The following REV1 variants were observed in gnomAD, a reference collection of about 807,000 sequenced individuals.
The protein encoded by REV1 is REV1 DNA directed polymerase.
In REV1, 42 loss-of-function variants were observed where a neutral mutation model predicts 137.4. The ratio of observed to expected loss-of-function variants is 0.31; its 90% CI spans 0.24 to 0.40. REV1 has a LOEUF of 0.40. Among genes scored for constraint, REV1 ranks in the 10% least tolerant of loss-of-function variants. The probability of loss-of-function intolerance (pLI) is 1.00; values close to 1 mark genes in which losing one functional copy is unlikely to be tolerated. For synonymous variants in REV1, 524 were observed against 519.2 expected, an observed-to-expected ratio of 1.01 and a Z score of -0.12; for missense variants, 1,282 against 1,490.1, an observed-to-expected ratio of 0.86 and a Z score of 2.30.
chr2:99,453,892 CAAAAAAAAAA>C (rs58291328), intron 3 of REV1, among the ~76,000 whole-genome samples: 36 of 48,020 alleles, frequency 7.5e-4, no homozygotes, highest in Non-Finnish European at 1.1e-3. Flanking sequence ...GGCTCTGTCT[CAAAAAAAAAA>C]AAAAAAAAAA....
chr2:99,431,782 C>T (rs1047931956), intron 8 of REV1: 13 of 985,252 alleles, frequency 1.3e-5, no homozygotes, highest in African/African-American at 1.0e-4. Context: ...CCTCCACGAG[C>T]GGAGTGAGTT....
intron 1 of REV1, among the ~76,000 whole-genome samples, chr2:99,478,984 T>C (rs1380831803): frequency 6.6e-6 from 1 of 152,196 alleles, no homozygotes; most frequent in Non-Finnish European, 1.5e-5. Context: ...CTAAGTAGAA[T>C]GAATTTCACA....
intron 14 of REV1, among the ~76,000 whole-genome samples, chr2:99,408,751 G>A (rs909761360): frequency 6.6e-5 from 10 of 152,206 alleles, no homozygotes; most frequent in African/African-American, 2.2e-4. Flanking sequence ...TCTCTGGCAT[G>A]AGCGGGCTGT....
At chr2:99,404,404 A>C (rs1476906963) in intron 18 of REV1, 40 bp downstream of exon 18, 1 of 1,543,106 alleles carries the variant, frequency 6.5e-7, no homozygotes, top group Non-Finnish European at 8.9e-7. Context: ...GGGGGTGAGA[A>C]TATTGAAACT....
chr2:99,429,834 A>G lies in REV1; in HGVS notation c.1547+6T>C, dbSNP rs1435121597. The G allele has an allele frequency of 6.6e-6, 10 of 1,524,284 alleles. No individual in the cohort carries two copies. The highest frequency in any genetic ancestry group is 8.9e-6 in the Non-Finnish European group (10 of 1,122,070). 94.4% of individuals were successfully genotyped at this position (1,524,284 alleles called of 1,614,324 possible). On this transcript the variant is annotated splice_donor_region_variant and intron_variant, in intron 9 of 22. Coordinates refer to ENST00000258428, the MANE Select transcript of REV1 (RefSeq NM_016316.4). ...TTAAGAATTGTAACACACAACTTCT[A>G]CATACCTGGCCTCATAACTACAAGA...
chr2:99,489,266 C>G (rs947004984), intron 1 of REV1, among the ~76,000 whole-genome samples: 1 of 152,128 alleles, frequency 6.6e-6, no homozygotes, highest in East Asian at 1.9e-4. Context: ...TGGGATGCAC[C>G]GGGGACGTCG....
chr2:99,412,110 G>A (rs1445839665), intron 13 of REV1, among the ~76,000 whole-genome samples: 2 of 151,818 alleles, frequency 1.3e-5, no homozygotes, highest in Non-Finnish European at 2.9e-5. Flanking sequence ...GCGGGTGCCT[G>A]TAATCCCAGC....
At chr2:99,437,755 T>G (rs796615833) in intron 6 of REV1, among the ~76,000 whole-genome samples, 3 of 152,276 alleles carry the variant, frequency 2.0e-5, no homozygotes, top group African/African-American at 7.2e-5. Flanking sequence ...CAAGACATGA[T>G]GTAAGGATAA....
intron 3 of REV1, 95 bp downstream of exon 3, chr2:99,462,401 T>G: frequency 1.7e-6 from 2 of 1,144,186 alleles, no homozygotes; most frequent in Non-Finnish European, 2.5e-6. Context: ...ATCATTTGTC[T>G]ATAATAAATG....
At chr2:99,424,659 A>C in intron 9 of REV1, 1 of 897,960 alleles carries the variant, frequency 1.1e-6, no homozygotes, top group Non-Finnish European at 1.5e-6. Flanking sequence ...TTCTTCCCCT[A>C]ATACAAGGCA....
chr2:99,411,754 T>C (rs2104470179), intron 13 of REV1, among the ~76,000 whole-genome samples: 2 of 152,028 alleles, frequency 1.3e-5, no homozygotes, highest in Middle Eastern at 3.4e-3. Flanking sequence ...GAAAATTCTT[T>C]TGTAACTATG....
chr2:99,402,814 A>G lies in REV1; in HGVS notation c.3385-14T>C, dbSNP rs1675661898. 6.2e-7 allele frequency: 1 copy of G among 1,613,936 alleles called. No homozygotes were observed. Among genetic ancestry groups the G allele is most frequent in the Non-Finnish European group, 8.5e-7 (1 of 1,179,974 alleles). On this transcript the variant is annotated splice_polypyrimidine_tract_variant and intron_variant, in intron 20 of 22. Coordinates refer to ENST00000258428, the MANE Select transcript of REV1 (RefSeq NM_016316.4). ...AGAGAGTTCTTCCTGTTAAGAAAAC[A>G]AAGGATAAAATTGCTATATTCACAC...
chr2:99,425,016 C>A, intron 9 of REV1: 1 of 723,646 alleles, frequency 1.4e-6, no homozygotes, highest in Non-Finnish European at 1.9e-6. Flanking sequence ...TAGTAAAATT[C>A]TATTTTATCA....
chr2:99,471,899 A>AC (rs1179825834), intron 1 of REV1, among the ~76,000 whole-genome samples: 2 of 151,538 alleles, frequency 1.3e-5, no homozygotes, highest in East Asian at 1.9e-4. Context: ...TAAAAAAAAA[A>AC]AAAAAAAAAA....
chr2:99,405,937 CAGGTTA>C lies in REV1; in HGVS notation c.2778_2783del (p.Asn927_Leu928del). On this transcript the variant is annotated inframe_deletion, in exon 17 of 23. Transcript: ENST00000258428. ...GGGAAGGTGACGGGACCTCTATACTCAGGTTAAGTCTCGACTGCACACTGACAGGAG... is the reference window on the plus strand; with the variant it reads ...GGGAAGGTGACGGGACCTCTATACTCAGTCTCGACTGCACACTGACAGGAG... The C allele has an allele frequency of 6.3e-7, 1 of 1,594,596 alleles. No individual in the cohort carries two copies. Among genetic ancestry groups the C allele is most frequent in the South Asian group, 1.2e-5 (1 of 86,638 alleles).
At chr2:99,489,741 G>T (rs1197398504) in intron 1 of REV1, 76 bp downstream of exon 1, 3 of 149,936 alleles carry the variant, frequency 2.0e-5, no homozygotes, top group African/African-American at 7.3e-5. Flanking sequence ...TGCCGGGCGG[G>T]TCTGCGGCGC....
At chr2:99,415,074 G>A (rs1677667637) in intron 12 of REV1, among the ~76,000 whole-genome samples, 1 of 152,218 alleles carries the variant, frequency 6.6e-6, no homozygotes, top group Non-Finnish European at 1.5e-5. Context: ...CGGAGGTGGG[G>A]GAGGGAGGCA....
At chr2:99,489,583 G>A (rs1430201947) in intron 1 of REV1, among the ~76,000 whole-genome samples, 1 of 148,788 alleles carries the variant, frequency 6.7e-6, no homozygotes, top group Non-Finnish European at 1.5e-5. Context: ...GAAGGGGAGG[G>A]GAGGTCACAC....
chr2:99,485,790 G>A (rs1484908736), intron 1 of REV1, among the ~76,000 whole-genome samples: 1 of 152,124 alleles, frequency 6.6e-6, no homozygotes, highest in African/African-American at 2.4e-5. Flanking sequence ...TACAATTTTG[G>A]TGGCTAACAA....
Sources: gnomAD v4.1 joint callset for allele counts (sites outside exome capture counted in the v4.1 genomes callset) on GRCh38, gnomAD v4.1.1 for gene constraint, MANE v1.5 for transcripts, NCBI Gene and HGNC (gene_info 2026-07-23, HGNC 2026-07-21) for gene names.